ZNF804B: variants seen among roughly 807,000 people sequenced by gnomAD.
ZNF804B encodes zinc finger 804B.
ZNF804B carries 80 observed loss-of-function variants against 101.4 expected under a neutral mutation model. The ratio of observed to expected loss-of-function variants is 0.79; its 90% CI spans 0.66 to 0.95. The LOEUF (loss-of-function observed/expected upper bound fraction) is 0.95, where lower values mean the gene tolerates loss of function less well. Among genes scored for constraint, ZNF804B ranks in the 40% least tolerant of loss-of-function variants. The pLI is 0.00. For missense variants in ZNF804B, 1,673 were observed against 1,561.9 expected (o/e 1.07, Z -1.20); for synonymous variants, 622 against 558.8 (o/e 1.11, Z -1.59).
At position 89,335,458 on chromosome 7, in the gene ZNF804B, A is replaced by T; in HGVS notation, c.2476A>T (p.Ile826Phe). The T allele has an allele frequency of 2.5e-6, 4 of 1,613,988 alleles. No individual in the cohort carries two copies. The highest frequency in any genetic ancestry group is 3.4e-6 in the Non-Finnish European group (4 of 1,179,956). The change falls in exon 4 of 4, where the codon ATC (isoleucine) becomes TTC (phenylalanine). Residue 826 changes from isoleucine to phenylalanine, a missense_variant. Coordinates refer to ENST00000333190, the MANE Select transcript of ZNF804B (RefSeq NM_181646.5). ...TTCAGGGCTAAAATCTACGAGAATCATCTATTGTGATTCTAACTCACAGAT... is the reference window on the plus strand; with the variant it reads ...TTCAGGGCTAAAATCTACGAGAATCTTCTATTGTGATTCTAACTCACAGAT... ...QFSGLKSTRI[I>F]YCDSNSQISC...
rs1789737263 is a variant in ZNF804B at position 89,263,252 on chromosome 7, CTAA to C, written c.249+44962_249+44964del. ...TGACTACTCCAGCTGTGAGACCATGCTAATAATTCTGGTCGTTGATCCTTAGCA... is the reference window on the plus strand; with the variant it reads ...TGACTACTCCAGCTGTGAGACCATGCTAATTCTGGTCGTTGATCCTTAGCA... On this transcript the variant is annotated intron_variant, in intron 2 of 3. Coordinates refer to ENST00000333190, the MANE Select transcript of ZNF804B (RefSeq NM_181646.5). 2.0e-5 allele frequency among the ~76,000 whole-genome samples: 3 copies of C among 152,174 alleles called. No individual in the cohort carries two copies. In the South Asian group the frequency reaches 6.2e-4, roughly 31 times the overall value.
chr7:89,194,055 G>A (rs1788504620), intron 1 of ZNF804B, among the ~76,000 whole-genome samples: 1 of 152,066 alleles, frequency 6.6e-6, no homozygotes, highest in Admixed American at 6.6e-5. Context: ...GCATTTCTCT[G>A]ATGGCCAGTG....
chr7:88,864,587 G>A (rs1478482502), intron 1 of ZNF804B, among the ~76,000 whole-genome samples: 1 of 152,172 alleles, frequency 6.6e-6, no homozygotes, highest in African/African-American at 2.4e-5. Flanking sequence ...GAATTTATCT[G>A]CTGACTTCCT....
chr7:88,992,484 G>A (rs1448375957), intron 1 of ZNF804B, among the ~76,000 whole-genome samples: 1 of 152,052 alleles, frequency 6.6e-6, no homozygotes, highest in Non-Finnish European at 1.5e-5. Flanking sequence ...ATCAGTGTGG[G>A]TTCAACTGGG....
chr7:88,854,406 T>TCTTTCTTC (rs1216305593), intron 1 of ZNF804B, among the ~76,000 whole-genome samples: 5 of 126,664 alleles, frequency 3.9e-5, no homozygotes, highest in Non-Finnish European at 8.3e-5. Flanking sequence ...TTTCTTTCTT[T>TCTTTCTTC]CTTTCTTCCT....
At chr7:89,106,272 C>T (rs1026352186) in intron 1 of ZNF804B, among the ~76,000 whole-genome samples, 2 of 152,148 alleles carry the variant, frequency 1.3e-5, no homozygotes, top group Non-Finnish European at 2.9e-5. Flanking sequence ...TTTGTTTTCT[C>T]AGTCAACATG....
chr7:89,015,534 T>G (rs1788537417), intron 1 of ZNF804B, among the ~76,000 whole-genome samples: 1 of 151,484 alleles, frequency 6.6e-6, no homozygotes, highest in African/African-American at 2.4e-5. Flanking sequence ...CCCCTTCCTG[T>G]GTCCATGTGT....
chr7:88,991,990 C>A (rs892430625), intron 1 of ZNF804B, among the ~76,000 whole-genome samples: 1 of 152,146 alleles, frequency 6.6e-6, no homozygotes, highest in Non-Finnish European at 1.5e-5. Context: ...TTGCTGTACT[C>A]TTCCACAATT....
At chr7:88,882,094 T>C (rs531014968) in intron 1 of ZNF804B, among the ~76,000 whole-genome samples, 4 of 152,282 alleles carry the variant, frequency 2.6e-5, no homozygotes, top group Admixed American at 2.6e-4. Flanking sequence ...AAAGCTCCAG[T>C]GCTCAGCACC....
chr7:89,070,588 AAT>A (rs1172476278), intron 1 of ZNF804B, among the ~76,000 whole-genome samples: 4 of 152,192 alleles, frequency 2.6e-5, no homozygotes, highest in African/African-American at 9.6e-5. Flanking sequence ...TTCATCTGTA[AAT>A]TGATGGTAAT....
intron 1 of ZNF804B, among the ~76,000 whole-genome samples, chr7:89,101,747 G>T (rs1790058560): frequency 6.6e-6 from 1 of 151,846 alleles, no homozygotes; most frequent in Non-Finnish European, 1.5e-5. Context: ...ACAAGTGCTT[G>T]TTTATACATG....
Position 89,218,318 on chromosome 7 carries a change from C to T in ZNF804B, c.249+23C>T, listed in dbSNP as rs767674687. 11 of 1,612,582 alleles carry T rather than the reference C, an allele frequency of 6.8e-6. No individual in the cohort carries two copies. The South Asian group carries it at 1.2e-4, about 18-fold the overall frequency. On this transcript the variant is annotated intron_variant, in intron 2 of 3. Transcript: ENST00000333190. ...CAGGTAAGGCAAAGTGGGAAAAGTC[C>T]TTCATATTCCTGTATTTATACCTTC...
chr7:88,955,074 A>G (rs887161823), intron 1 of ZNF804B, among the ~76,000 whole-genome samples: 1 of 150,468 alleles, frequency 6.6e-6, no homozygotes, highest in Admixed American at 6.7e-5. Flanking sequence ...AGCATGGGCA[A>G]TATCGTGAGC....
chr7:88,790,880 A>T (rs1224990122), intron 1 of ZNF804B, among the ~76,000 whole-genome samples: 7 of 152,278 alleles, frequency 4.6e-5, no homozygotes, highest in Non-Finnish European at 1.0e-4. Context: ...TATAAATGTA[A>T]GATTTCTGGA....
At chr7:89,225,156 TTCC>T (rs2115723244) in intron 2 of ZNF804B, among the ~76,000 whole-genome samples, 2 of 152,162 alleles carry the variant, frequency 1.3e-5, no homozygotes, top group Non-Finnish European at 2.9e-5. Context: ...GTTACCAATT[TTCC>T]AGTTCTAATG....
chr7:89,111,385 T>C (rs1242355869), intron 1 of ZNF804B, among the ~76,000 whole-genome samples: 1 of 152,196 alleles, frequency 6.6e-6, no homozygotes, highest in African/African-American at 2.4e-5. Flanking sequence ...CCACAACCTC[T>C]CCAGCATTTC....
intron 1 of ZNF804B, among the ~76,000 whole-genome samples, chr7:89,187,522 C>A (rs772394860): frequency 2.0e-5 from 3 of 152,028 alleles, no homozygotes; most frequent in African/African-American, 4.8e-5. Flanking sequence ...TCTTTTGGCA[C>A]AAATTATTAG....
chr7:89,182,974 G>C (rs562854675), intron 1 of ZNF804B, among the ~76,000 whole-genome samples: 9 of 152,086 alleles, frequency 5.9e-5, no homozygotes, highest in Non-Finnish European at 1.3e-4. Context: ...TAAAGACAAG[G>C]CATAAATGCA....
At chr7:89,136,742 T>C (rs1022749259) in intron 1 of ZNF804B, among the ~76,000 whole-genome samples, 6 of 108,866 alleles carry the variant, frequency 5.5e-5, no homozygotes, top group African/African-American at 3.1e-5. Flanking sequence ...TGTGAGTGTG[T>C]GTGTGTGTGT....
Sources: allele counts gnomAD v4.1 joint callset (sites outside exome capture counted in the v4.1 genomes callset), GRCh38; gene constraint gnomAD v4.1.1; transcripts MANE v1.5; gene names NCBI Gene and HGNC (gene_info 2026-07-23, HGNC 2026-07-21).